SEMA4C: variants seen among roughly 807,000 people sequenced by gnomAD.
SEMA4C encodes the protein semaphorin-4C.
Under a neutral mutation model 89.0 loss-of-function variants are expected in SEMA4C, and 19 were observed. The ratio of observed to expected loss-of-function variants is 0.21; its 90% CI spans 0.15 to 0.31. The LOEUF (loss-of-function observed/expected upper bound fraction) is 0.31, where lower values mean the gene tolerates loss of function less well. Among genes scored for constraint, SEMA4C ranks in the 10% least tolerant of loss-of-function variants. The pLI, the probability that SEMA4C is intolerant of heterozygous loss-of-function variation, is 1.00. For missense variants in SEMA4C, 811 were observed against 1,107.0 expected, an observed-to-expected ratio of 0.73 and a Z score of 3.79; for synonymous variants, 428 against 472.7, an observed-to-expected ratio of 0.91 and a Z score of 1.23.
intron 1 of SEMA4C, chr2:96,868,721 C>A: frequency 1.1e-5 from 11 of 985,248 alleles, no homozygotes; most frequent in Non-Finnish European, 1.2e-5. Flanking sequence ...GTCGGGGACT[C>A]CGGCGGCGCG....
rs751454075 is a variant in SEMA4C at position 96,861,318 on chromosome 2, G to C, written c.1810C>G (p.Leu604Val). ...DLPAEQPGSF[L>V]YDARLQALVV... ...AGGGCCTGGAGCCGGGCATCGTAGA[G>C]GAAGGACCCGGGCTGTTCCGCAGGC... Residue 604 changes from leucine (L) to valine (V), a missense_variant, in exon 15 of 15, where the codon CTC (leucine) becomes GTC (valine). Physicochemically the swap from Leu to Val is conservative, Grantham distance 32 (BLOSUM62 1). Around this residue, in one of 4 missense-constraint regions of SEMA4C, gnomAD observed 441 missense variants for 664.9 expected, o/e 0.66. Coordinates refer to ENST00000305476, the MANE Select transcript of SEMA4C (RefSeq NM_017789.5). This position sits in a 1 kb window ranked among gnomAD's most constrained non-coding sequence, Gnocchi z 7.8. The C allele has an allele frequency of 6.2e-7, 1 of 1,607,358 alleles. No homozygotes were observed. Among genetic ancestry groups the C allele is most frequent in the Non-Finnish European group, 8.5e-7 (1 of 1,179,948 alleles).
intron 12 of SEMA4C, chr2:96,862,257 A>G (rs1224030551): frequency 1.4e-5 from 3 of 218,206 alleles, no homozygotes; most frequent in Non-Finnish European, 1.8e-5. Flanking sequence ...GCAGCATAAC[A>G]TAAGATGTTT....
At chr2:96,868,843 C>T in intron 1 of SEMA4C, 3 of 985,422 alleles carry the variant, frequency 3.0e-6, no homozygotes, top group Non-Finnish European at 3.6e-6. Context: ...TCTGACGAAC[C>T]TTCCCAACTC....
Position 96,860,975 on chromosome 2 carries a change from G to T in SEMA4C, c.2153C>A (p.Pro718His), listed in dbSNP as rs775237239. The T allele has an allele frequency of 8.1e-6, 13 of 1,612,992 alleles. No homozygotes were observed. Among genetic ancestry groups the T allele is most frequent in the South Asian group, 2.2e-5 (2 of 91,084 alleles). ...TGGTTCAGGACAGGGCCGGAAGGGG[G>T]GACTGGTGGGCTCCTTGGGCAGCTC... ...PLELPKEPTSPPFRPCPEPDE... is the reference protein window; with the variant it reads ...PLELPKEPTSHPFRPCPEPDE... Residue 718 changes from proline (P) to histidine (H), a missense_variant, in exon 15 of 15, where the codon CCC (proline) becomes CAC (histidine). By Grantham distance (77) the Pro-to-His change is moderately conservative (BLOSUM62 -2). Transcript: ENST00000305476.
rs1166916779 is a variant in SEMA4C at position 96,867,821 on chromosome 2, C to G, written c.66G>C (p.Glu22Asp). Reference protein sequence around the residue: ...ARLWGLGIGAEVWWNLVPRKT... With the variant: ...ARLWGLGIGADVWWNLVPRKT... ...TACGCGGCACAAGGTTCCACCACAC[C>G]TCAGCCCCAATGCCCAGGCCCCACA... is the stretch of plus-strand genomic sequence containing the variant. Residue 22 changes from glutamate to aspartate, a missense_variant, in exon 2 of 15, where the codon GAG becomes GAC. By Grantham distance (45) the Glu-to-Asp change is conservative (BLOSUM62 2). Around this residue, in one of 4 missense-constraint regions of SEMA4C, gnomAD observed 119 missense variants for 152.7 expected, o/e 0.78. Transcript: ENST00000305476. 1 of 1,613,700 alleles carries G rather than the reference C, an allele frequency of 6.2e-7. No individual in the cohort carries two copies. Among genetic ancestry groups the G allele is most frequent in the Admixed American group, 1.7e-5 (1 of 59,968 alleles).
At chr2:96,863,391 A>G (rs1371304883) in intron 12 of SEMA4C, 21 of 1,175,512 alleles carry the variant, frequency 1.8e-5, no homozygotes, top group Non-Finnish European at 2.2e-5. Flanking sequence ...ACCACAGCAC[A>G]GCTTGGAGGG....
rs1390750257 is a variant in SEMA4C at position 96,867,762 on chromosome 2, C to T, written c.109+16G>A. ...AGCCTGTCCCTGACTTCCTCCTCAC[C>T]CCTCCAGGCACTCACCCCCAGAAGA... On this transcript the variant is annotated intron_variant, in intron 2 of 14. Coordinates refer to ENST00000305476, the MANE Select transcript of SEMA4C (RefSeq NM_017789.5). 18 of 1,611,582 alleles carry T rather than the reference C, an allele frequency of 1.1e-5. No individual in the cohort carries two copies. The highest frequency in any genetic ancestry group is 1.4e-5 in the Non-Finnish European group (17 of 1,178,292).
At position 96,865,978 on chromosome 2, in the gene SEMA4C, C is replaced by T. The variant is rs1475171732; in HGVS notation, c.259-49G>A. 10 of 1,577,778 alleles carry T rather than the reference C, an allele frequency of 6.3e-6. No individual in the cohort carries two copies. The Admixed American group carries it at 1.0e-4, about 16-fold the overall frequency. On this transcript the variant is annotated intron_variant, in intron 3 of 14. Transcript: ENST00000305476. ...AGCCACGTTACAGGTACGGACTGAG[C>T]ACGTGTCACAAGCACAGCCTGCAGC...
intron 2 of SEMA4C, 42 bp from the exon 3 acceptor site, chr2:96,866,473 G>A: frequency 1.2e-6 from 2 of 1,613,280 alleles, no homozygotes; most frequent in Admixed American, 1.7e-5. Flanking sequence ...GGACCCCTGG[G>A]GCTCGACAGC....
chr2:96,869,356 C>G (rs1027565358), intron 1 of SEMA4C: 2 of 985,316 alleles, frequency 2.0e-6, no homozygotes, highest in South Asian at 4.7e-5. Context: ...CCCGAGCGGC[C>G]AGCCGTGGAC....
At position 96,860,610 on chromosome 2, in the gene SEMA4C, G is replaced by A. The variant is rs747788661; in HGVS notation, c.*16C>T. 2.0e-5 allele frequency: 31 copies of A among 1,575,036 alleles called. No individual in the cohort carries two copies. The highest frequency in any genetic ancestry group is 6.9e-5 in the South Asian group (6 of 86,592). On this transcript the variant is annotated 3_prime_UTR_variant, in exon 15 of 15. Coordinates refer to ENST00000305476, the MANE Select transcript of SEMA4C (RefSeq NM_017789.5). ...TACACCTCCCACGCTTCCCGCCGAC[G>A]CGGTGGGGGTTCCCCTCATACTGAT...
intron 1 of SEMA4C, chr2:96,869,010 G>C (rs2080146650): frequency 8.1e-6 from 8 of 985,394 alleles, no homozygotes; most frequent in Non-Finnish European, 8.4e-6. Context: ...GGTCCCCCCG[G>C]GTTCTCCCCT....
In SEMA4C at chr2:96,863,992, G is replaced by T; in HGVS notation, c.1264C>A (p.His422Asn). ...LLVKKGTNFT[H>N]LVADRVTGLD... Reference sequence around the variant, plus strand: ...CCTGTAACCCGGTCGGCCACCAGGTGGGTGAAGTTGGTGCCCTTCTTCACG... The same window carrying T: ...CCTGTAACCCGGTCGGCCACCAGGTTGGTGAAGTTGGTGCCCTTCTTCACG... The change falls in exon 11 of 15, where the codon CAC becomes AAC. Residue 422 changes from histidine (H) to asparagine (N), a missense_variant. Transcript: ENST00000305476. 1.9e-6 allele frequency: 3 copies of T among 1,613,586 alleles called. No homozygotes were observed. The highest frequency in any genetic ancestry group is 2.5e-6 in the Non-Finnish European group (3 of 1,180,004).
chr2:96,865,564 G>C (rs1301605461), intron 5 of SEMA4C, 27 bp from the exon 6 acceptor site: 1 of 1,609,254 alleles, frequency 6.2e-7, no homozygotes, highest in African/African-American at 1.3e-5. Context: ...AGGTGATGAG[G>C]AGATGCTTAA....
At chr2:96,869,057 C>T (rs776569078) in intron 1 of SEMA4C, 192 of 985,420 alleles carry the variant, frequency 1.9e-4, no homozygotes, top group South Asian at 7.0e-4. Flanking sequence ...AACAAAGCGG[C>T]GGCGCGGGGA....
At position 96,865,032 on chromosome 2, in the gene SEMA4C, TGAA is replaced by T. The variant is rs1044209212; in HGVS notation, c.715_717del (p.Phe239del). 9 of 1,557,234 alleles carry T rather than the reference TGAA, an allele frequency of 5.8e-6. No homozygotes were observed. Among genetic ancestry groups the T allele is most frequent in the African/African-American group, 4.1e-5 (3 of 73,318 alleles). ...CAGTCGGACTCCACTGCCCGCTCCCTGAAGAAGAAGTAGACCTTGTCGTCGTCC... is the reference window on the plus strand; with the variant it reads ...CAGTCGGACTCCACTGCCCGCTCCCTGAAGAAGTAGACCTTGTCGTCGTCC... On this transcript the variant is annotated inframe_deletion, in exon 8 of 15. Coordinates refer to ENST00000305476, the MANE Select transcript of SEMA4C (RefSeq NM_017789.5).
chr2:96,865,064 G>A lies in SEMA4C; in HGVS notation c.686C>T (p.Thr229Met), dbSNP rs761981053. The stretch of plus-strand genomic sequence containing the variant: ...GAAGTAGACCTTGTCGTCGTCCCCC[G>A]TGAAGCTGCCCACACTCTCAGGTAC... ...AYVPESVGSFTGDDDKVYFFF... is the reference protein window; with the variant it reads ...AYVPESVGSFMGDDDKVYFFF... The change falls in exon 8 of 15, where the codon ACG becomes ATG. Residue 229 changes from threonine to methionine, a missense_variant. Thr to Met is a moderately conservative substitution (Grantham distance 81, BLOSUM62 -1). Transcript: ENST00000305476. 16 of 1,558,480 alleles carry A rather than the reference G, an allele frequency of 1.0e-5. No homozygotes were observed. The highest frequency in any genetic ancestry group is 1.4e-5 in the African/African-American group (1 of 73,326).
rs772356018 is a variant in SEMA4C, at chr2:96,867,820, C to T, written c.67G>A (p.Val23Met). ...TTACGCGGCACAAGGTTCCACCACACCTCAGCCCCAATGCCCAGGCCCCAC... is the reference window on the plus strand; with the variant it reads ...TTACGCGGCACAAGGTTCCACCACATCTCAGCCCCAATGCCCAGGCCCCAC... ...RLWGLGIGAE[V>M]WWNLVPRKTV... Residue 23 changes from valine to methionine, a missense_variant, in exon 2 of 15, where the codon GTG becomes ATG. By Grantham distance (21) the Val-to-Met change is conservative (BLOSUM62 1). Coordinates refer to ENST00000305476, the MANE Select transcript of SEMA4C (RefSeq NM_017789.5). The T allele has an allele frequency of 6.2e-6, 10 of 1,613,618 alleles. No homozygotes were observed. In the East Asian group the frequency reaches 1.8e-4, roughly 29 times the overall value.
intron 12 of SEMA4C, chr2:96,863,220 CAA>C (rs929688094): frequency 3.3e-5 from 33 of 990,386 alleles, no homozygotes; most frequent in Admixed American, 5.9e-5. Context: ...AAAAAAAAAC[CAA>C]AAAGAGTATT....
Sources: allele counts gnomAD v4.1 joint callset, GRCh38; gene constraint gnomAD v4.1.1; regional missense constraint gnomAD v4.1.1; non-coding constraint Gnocchi (gnomAD v3.1); transcripts MANE v1.5; gene names NCBI Gene and HGNC (gene_info 2026-07-23, HGNC 2026-07-21).